The following AP4E1 variants were observed in gnomAD, a reference collection of about 807,000 sequenced individuals.
AP4E1 encodes the protein AP-4 complex subunit epsilon-1.
In AP4E1, 56 loss-of-function variants were observed where a neutral mutation model predicts 128.2. That is an observed-to-expected ratio of 0.44 (90% CI 0.35 to 0.55). AP4E1 has a LOEUF of 0.55. Ranked by LOEUF, AP4E1 falls within the 20% of genes least tolerant of loss-of-function variation. The probability of loss-of-function intolerance (pLI) is 0.00; values close to 1 mark genes in which losing one functional copy is unlikely to be tolerated. For synonymous variants in AP4E1, 484 were observed against 473.1 expected (o/e 1.02, Z -0.30); for missense variants, 1,324 against 1,307.7 (o/e 1.01, Z -0.19).
rs192192935 is a variant in AP4E1 at position 50,971,557 on chromosome 15, C to A, written c.1966+3180C>A. Among the ~76,000 whole-genome samples the A allele has an allele frequency of 4.8e-3, 731 of 152,182 alleles. 6 individuals are homozygous for A. The highest frequency in any genetic ancestry group is 8.4e-3 in the Admixed American group (129 of 15,286). On this transcript the variant is annotated intron_variant, in intron 15 of 20. Transcript: ENST00000261842. Reference sequence around the variant, plus strand: ...TCTTCATATCTTCCCTTCTCTTCTCCTTCTGAAATGCCCATAATACAAACA... The same window carrying A: ...TCTTCATATCTTCCCTTCTCTTCTCATTCTGAAATGCCCATAATACAAACA...
Position 50,931,071 on chromosome 15 carries a change from A to G in AP4E1, c.869+100A>G, listed in dbSNP as rs998117887. On this transcript the variant is annotated intron_variant, in intron 7 of 20. Transcript: ENST00000261842. ...TTTAATGATAAACCAGATTCTTCCA[A>G]TGTTTAATTGGCTTAATAGTGATAA... The G allele has an allele frequency of 3.6e-6, 5 of 1,407,768 alleles. No individual in the cohort carries two copies. The Admixed American group carries it at 8.4e-5, about 24-fold the overall frequency. 87.2% of individuals were successfully genotyped at this position (1,407,768 alleles called of 1,614,324 possible). A position where few individuals can be genotyped will look rare whatever the true frequency, so the allele number is the denominator to read the frequency against.
At chr15:50,976,251 T>A (rs1432279501) in intron 15 of AP4E1, among the ~76,000 whole-genome samples, 2 of 152,112 alleles carry the variant, frequency 1.3e-5, no homozygotes, top group Non-Finnish European at 2.9e-5. Context: ...TAATGTGATA[T>A]CATGTTAACA....
rs368313949 is a variant in AP4E1, at chr15:50,948,031, T to G, written c.1188T>G (p.Leu396=). The G allele has an allele frequency of 6.2e-7, 1 of 1,603,298 alleles. No individual in the cohort carries two copies. The highest frequency in any genetic ancestry group is 8.5e-7 in the Non-Finnish European group (1 of 1,170,740). Residue 396 remains leucine, a synonymous_variant, in exon 11 of 21, where the codon CTT becomes CTG. Coordinates refer to ENST00000261842, the MANE Select transcript of AP4E1 (RefSeq NM_007347.5). ...TCTTCTTTAAATAGACTCTGGAACT[T>G]CTTTACAGAATTACTAATGCACAGA... ...DPIIKRETLE[L]LYRITNAQNI... is the part of the protein sequence containing the mutation.
intron 1 of AP4E1, among the ~76,000 whole-genome samples, chr15:50,910,828 A>G (rs2063558402): frequency 6.6e-6 from 1 of 152,024 alleles, no homozygotes; most frequent in Non-Finnish European, 1.5e-5. Flanking sequence ...GCTAATTTTT[A>G]TATTTTTAGT....
chr15:50,993,679 A>C, intron 17 of AP4E1, 54 bp downstream of exon 17: 1 of 1,609,840 alleles, frequency 6.2e-7, no homozygotes, highest in Non-Finnish European at 8.5e-7. Context: ...CTGTACAAAA[A>C]AAACTGGCTC....
chr15:50,924,499 A>T (rs1186523065), intron 4 of AP4E1, among the ~76,000 whole-genome samples: 1 of 152,162 alleles, frequency 6.6e-6, no homozygotes, highest in Non-Finnish European at 1.5e-5. Flanking sequence ...AATCAAAATG[A>T]TAATGAGATG....
intron 15 of AP4E1, among the ~76,000 whole-genome samples, chr15:50,969,904 C>G (rs2064455943): frequency 6.6e-6 from 1 of 152,114 alleles, no homozygotes; most frequent in South Asian, 2.1e-4. Context: ...CGTGATCTGC[C>G]CGCCTTGGCC....
intron 2 of AP4E1, among the ~76,000 whole-genome samples, chr15:50,912,993 G>A (rs1213823259): frequency 6.6e-6 from 1 of 151,784 alleles, no homozygotes; most frequent in Non-Finnish European, 1.5e-5. Context: ...ATGAGATTTT[G>A]TTTCAAGCAA....
chr15:50,942,524 G>A (rs187828683), intron 10 of AP4E1, among the ~76,000 whole-genome samples: 1 of 151,460 alleles, frequency 6.6e-6, no homozygotes, highest in East Asian at 1.9e-4. Context: ...AATATTGAAA[G>A]AATTAATGAA....
intron 15 of AP4E1, among the ~76,000 whole-genome samples, chr15:50,970,589 A>C (rs764573516): frequency 4.6e-5 from 7 of 152,224 alleles, no homozygotes; most frequent in Non-Finnish European, 8.8e-5. Flanking sequence ...TCTTTTTATG[A>C]ATTGATCCCT....
chr15:50,930,848 C>A lies in AP4E1; in HGVS notation c.746C>A (p.Thr249Asn). ...GYKDLTGSFV[T>N]ILKQVVGGKL... ...AAAGACTTGACTGGGAGTTTTGTAA[C>A]CATTTTGAAGCAAGTAGTTGGAGGA... The change falls in exon 7 of 21, where the codon ACC (threonine) becomes AAC (asparagine). Residue 249 changes from threonine (T) to asparagine (N), a missense_variant. Thr to Asn is a moderately conservative substitution (Grantham distance 65). Coordinates refer to ENST00000261842, the MANE Select transcript of AP4E1 (RefSeq NM_007347.5). 2 of 1,613,938 alleles carry A rather than the reference C, an allele frequency of 1.2e-6. No homozygotes were observed. The highest frequency in any genetic ancestry group is 1.7e-6 in the Non-Finnish European group (2 of 1,179,992).
chr15:50,912,561 C>G (rs1046367152), intron 2 of AP4E1, among the ~76,000 whole-genome samples: 19 of 152,084 alleles, frequency 1.2e-4, no homozygotes, highest in Admixed American at 5.2e-4. Context: ...TCTGATTTTT[C>G]AAACAATATT....
At chr15:50,946,299 A>G (rs966841727) in intron 10 of AP4E1, among the ~76,000 whole-genome samples, 1 of 152,206 alleles carries the variant, frequency 6.6e-6, no homozygotes, top group Non-Finnish European at 1.5e-5. Flanking sequence ...TAGACACTGC[A>G]CATTCAAATT....
intron 7 of AP4E1, among the ~76,000 whole-genome samples, chr15:50,933,508 C>T (rs1294505124): frequency 1.3e-5 from 2 of 152,158 alleles, no homozygotes; most frequent in African/African-American, 2.4e-5. Flanking sequence ...GGTTAAGACT[C>T]ATGCCAGACA....
In AP4E1 at chr15:50,908,914, C is replaced by T; in HGVS notation, c.136C>T (p.Leu46Phe). The T allele has an allele frequency of 6.2e-7, 1 of 1,611,026 alleles. No homozygotes were observed. Among genetic ancestry groups the T allele is most frequent in the South Asian group, 1.1e-5 (1 of 90,826 alleles). ...CAGCCTTGTCCGCGGCATCACAGCC[C>T]TCACCTCCAAGCACGTAGGTGCCCG... The part of the protein sequence containing the change: ...LGSLVRGITA[L>F]TSKHEEEKLI... The change falls in exon 1 of 21, where the codon CTC becomes TTC. Residue 46 changes from leucine to phenylalanine, a missense_variant. Leu to Phe is a conservative substitution (Grantham distance 22). Coordinates refer to ENST00000261842, the MANE Select transcript of AP4E1 (RefSeq NM_007347.5).
At chr15:50,957,208 G>T (rs2064236234) in intron 13 of AP4E1, among the ~76,000 whole-genome samples, 1 of 152,192 alleles carries the variant, frequency 6.6e-6, no homozygotes. Flanking sequence ...GATAAATGCA[G>T]GGGATTTTGT....
intron 15 of AP4E1, among the ~76,000 whole-genome samples, chr15:50,978,610 AC>A (rs1264190020): frequency 1.3e-5 from 2 of 152,172 alleles, no homozygotes; most frequent in African/African-American, 4.8e-5. Flanking sequence ...ATTATGTCTC[AC>A]CTAGAATACT....
chr15:50,930,309 C>T (rs1032147061), intron 6 of AP4E1, among the ~76,000 whole-genome samples: 68 of 98,014 alleles, frequency 6.9e-4, no homozygotes, highest in Admixed American at 6.6e-3. Flanking sequence ...TCAGGTGATC[C>T]GCCCGCCTCA....
At position 50,965,597 on chromosome 15, in the gene AP4E1, G is replaced by A. The variant is rs370880569; in HGVS notation, c.1852-2666G>A. ...CAGAGGAAGGAGATGCATAGGACAAGCTATGGAGGAAGGTTTTCGGAGCTT... is the reference window on the plus strand; with the variant it reads ...CAGAGGAAGGAGATGCATAGGACAAACTATGGAGGAAGGTTTTCGGAGCTT... On this transcript the variant is annotated intron_variant, in intron 14 of 20. Coordinates refer to ENST00000261842, the MANE Select transcript of AP4E1 (RefSeq NM_007347.5). 2.0e-5 allele frequency among the ~76,000 whole-genome samples: 3 copies of A among 152,206 alleles called. No homozygotes were observed. The East Asian group carries it at 5.8e-4, about 29-fold the overall frequency.
Sources: allele counts gnomAD v4.1 joint callset (sites outside exome capture counted in the v4.1 genomes callset), GRCh38; gene constraint gnomAD v4.1.1; transcripts MANE v1.5; gene names NCBI Gene and HGNC (gene_info 2026-07-23, HGNC 2026-07-21).